Variants in ACSM3 observed in about 807,000 individuals in gnomAD.
The protein encoded by ACSM3 is acyl-coenzyme A synthetase ACSM3, mitochondrial.
A neutral mutation model predicts 74.1 loss-of-function variants in ACSM3; 61 were observed. That is an observed-to-expected ratio of 0.82 (90% CI 0.67 to 1.02). ACSM3 has a LOEUF of 1.02. ACSM3 is among the 50% of genes least tolerant of loss of function. The pLI is 0.00. For synonymous variants in ACSM3, 213 were observed against 241.5 expected (o/e 0.88, Z 1.09); for missense variants, 660 against 697.0 (o/e 0.95, Z 0.60).
chr16:20,742,320 G>A (rs1202560903), intron 1 of ACSM3, among the ~76,000 whole-genome samples: 1 of 152,142 alleles, frequency 6.6e-6, no homozygotes, highest in Non-Finnish European at 1.5e-5. Flanking sequence ...CAGTCGAGAA[G>A]GGCCCTCGTG....
Position 20,740,341 on chromosome 16 carries a change from G to C in ACSM3, c.-189-9569G>C, listed in dbSNP as rs1048289475. Among the ~76,000 whole-genome samples, 14 of 152,308 alleles carry C rather than the reference G, an allele frequency of 9.2e-5. No individual in the cohort carries two copies. The South Asian group carries it at 2.9e-3, about 32-fold the overall frequency. ...GCCCCGGAGGTGGAAGTTGCAGTGA[G>C]CAAGAGCATGCCACTGTACTCCAAC... On this transcript the variant is annotated intron_variant, in intron 1 of 3. Coordinates refer to the ACSM3 transcript ENST00000561584.
At chr16:20,777,179 C>T (rs1253735586) in intron 3 of ACSM3, among the ~76,000 whole-genome samples, 194 bp from the exon 4 acceptor site, 1 of 152,036 alleles carries the variant, frequency 6.6e-6, no homozygotes, top group East Asian at 1.9e-4. Context: ...TCATGTTAAG[C>T]CAAAAGGGTC....
intron 1 of ACSM3, among the ~76,000 whole-genome samples, chr16:20,698,517 G>A (rs563197170): frequency 2.0e-5 from 3 of 151,996 alleles, no homozygotes; most frequent in African/African-American, 4.8e-5. Flanking sequence ...ATTGGTTTTC[G>A]GTTGCTTTTG....
chr16:20,728,306 A>C, intron 1 of ACSM3: 1 of 631,202 alleles, frequency 1.6e-6, no homozygotes, highest in Non-Finnish European at 2.7e-6. Flanking sequence ...GTTTTCTGCT[A>C]TTCACTGTAC....
At chr16:20,786,926 A>G (rs1029612724) in intron 9 of ACSM3, among the ~76,000 whole-genome samples, 3 of 152,126 alleles carry the variant, frequency 2.0e-5, no homozygotes. Flanking sequence ...GAGCGGGTCA[A>G]CTAGGCCCGA....
At chr16:20,772,332 C>G (rs1254747914) in intron 2 of ACSM3, among the ~76,000 whole-genome samples, 1 of 151,884 alleles carries the variant, frequency 6.6e-6, no homozygotes, top group African/African-American at 2.4e-5. Context: ...AGGGGAGTCT[C>G]AGAGCCTACT....
intron 1 of ACSM3, among the ~76,000 whole-genome samples, chr16:20,683,855 A>C (rs975375121): frequency 2.0e-5 from 3 of 152,072 alleles, no homozygotes; most frequent in African/African-American, 7.2e-5. Context: ...GGCCTAAGCC[A>C]CCACCCAGGC....
At chr16:20,787,170 T>C (rs1330199157) in intron 9 of ACSM3, among the ~76,000 whole-genome samples, 3 of 152,190 alleles carry the variant, frequency 2.0e-5, no homozygotes, top group Non-Finnish European at 4.4e-5. Context: ...CCTCAACTTA[T>C]GATAGGGTTA....
At chr16:20,719,764 G>A (rs538327855) in intron 1 of ACSM3, among the ~76,000 whole-genome samples, 40 of 152,292 alleles carry the variant, frequency 2.6e-4, no homozygotes, top group Admixed American at 1.1e-3. Context: ...TGACTCTTGT[G>A]CAGAGCAGAG....
intron 1 of ACSM3, among the ~76,000 whole-genome samples, chr16:20,701,846 T>A (rs1370280359): frequency 6.6e-6 from 1 of 152,206 alleles, no homozygotes; most frequent in Admixed American, 6.5e-5. Flanking sequence ...TCCAGCTTCA[T>A]CCATGTCCCT....
upstream of ACSM3, among the ~76,000 whole-genome samples, chr16:20,762,740 A>G (rs1487910517): frequency 6.6e-6 from 1 of 152,224 alleles, no homozygotes; most frequent in Non-Finnish European, 1.5e-5. Context: ...AAAAACACTC[A>G]GAAAAAAATA....
chr16:20,696,551 G>A (rs889831768), intron 1 of ACSM3, among the ~76,000 whole-genome samples: 2 of 152,212 alleles, frequency 1.3e-5, no homozygotes, highest in Admixed American at 6.5e-5. Flanking sequence ...GATGTACCAT[G>A]TACAGTTTTA....
chr16:20,771,156 A>T (rs528819221), intron 2 of ACSM3, among the ~76,000 whole-genome samples: 67 of 152,044 alleles, frequency 4.4e-4, no homozygotes, highest in Non-Finnish European at 8.2e-4. Context: ...CCGCCTCATG[A>T]GTTCAAGCAA....
At chr16:20,692,243 T>C (rs2152339994) in intron 1 of ACSM3, among the ~76,000 whole-genome samples, 2 of 152,344 alleles carry the variant, frequency 1.3e-5, no homozygotes, top group Middle Eastern at 6.8e-3. Flanking sequence ...CAGGAAATCC[T>C]GAGACTATGT....
intron 9 of ACSM3, among the ~76,000 whole-genome samples, chr16:20,788,647 T>C (rs2080527464): frequency 6.6e-6 from 1 of 152,200 alleles, no homozygotes; most frequent in Admixed American, 6.5e-5. Context: ...CTTTATAATC[T>C]TCTTTGTTTG....
At chr16:20,726,381 A>C (rs2079806112) in intron 1 of ACSM3, among the ~76,000 whole-genome samples, 1 of 152,226 alleles carries the variant, frequency 6.6e-6, no homozygotes, top group Non-Finnish European at 1.5e-5. Context: ...CTCTTTTGCC[A>C]ACAAAGTGTG....
At chr16:20,675,012 G>A (rs916841916) in intron 1 of ACSM3, among the ~76,000 whole-genome samples, 10 of 152,180 alleles carry the variant, frequency 6.6e-5, no homozygotes, top group South Asian at 6.2e-4. Flanking sequence ...AAAATGGGCC[G>A]ATACAGCGGC....
In ACSM3 at chr16:20,781,792, G is replaced by A. The variant is rs1244233461; in HGVS notation, c.1019+5G>A. On this transcript the variant is annotated splice_donor_5th_base_variant and intron_variant, in intron 7 of 13. Transcript: ENST00000289416. ...TGTACAGAATGATATAACCAGGTAA[G>A]AAATGTTAGTAAATAGGCATCTAGT... 6.3e-7 allele frequency: 1 copy of A among 1,596,506 alleles called. No homozygotes were observed. The highest frequency in any genetic ancestry group is 1.1e-5 in the South Asian group (1 of 90,704).
chr16:20,680,694 CA>C (rs1170377222), intron 1 of ACSM3: 1 of 152,138 alleles, frequency 6.6e-6, no homozygotes, highest in Non-Finnish European at 1.5e-5. Flanking sequence ...AGACTAAAAA[CA>C]AAACTCTATG....
Sources: allele counts gnomAD v4.1 joint callset (sites outside exome capture counted in the v4.1 genomes callset), GRCh38; gene constraint gnomAD v4.1.1; transcripts MANE v1.5; gene names NCBI Gene and HGNC (gene_info 2026-07-23, HGNC 2026-07-21).